Variants in TRPS1 observed in about 807,000 individuals in gnomAD.
TRPS1 encodes transcriptional repressor GATA binding 1.
A neutral mutation model predicts 101.2 loss-of-function variants in TRPS1; 6 were observed. The observed-to-expected ratio is 0.06, with a 90% confidence interval of 0.03 to 0.12. The LOEUF is 0.12. TRPS1 is among the 10% of genes least tolerant of loss of function. The probability of loss-of-function intolerance (pLI) is 1.00; values close to 1 mark genes in which losing one functional copy is unlikely to be tolerated. For missense variants in TRPS1, 1,363 were observed against 1,567.0 expected (o/e 0.87, Z 2.20); for synonymous variants, 578 against 589.8 (o/e 0.98, Z 0.29).
intron 6 of TRPS1, among the ~76,000 whole-genome samples, chr8:115,417,410 T>C (rs1468883058): frequency 6.6e-6 from 1 of 152,190 alleles, no homozygotes; most frequent in Non-Finnish European, 1.5e-5. Flanking sequence ...GTATTCCCTG[T>C]AGCCATAATG....
chr8:115,533,449 T>A (rs796569014), intron 5 of TRPS1, among the ~76,000 whole-genome samples: 5 of 123,322 alleles, frequency 4.1e-5, no homozygotes, highest in African/African-American at 1.2e-4. Context: ...TTTTTTTTTT[T>A]TTTTTTTTTT....
At chr8:115,612,608 A>G (rs1818195835) in intron 3 of TRPS1, among the ~76,000 whole-genome samples, 1 of 152,242 alleles carries the variant, frequency 6.6e-6, no homozygotes. Flanking sequence ...ATCAGCTGGA[A>G]AAACAGGTCT....
chr8:115,596,232 A>C (rs1817781779), intron 4 of TRPS1, among the ~76,000 whole-genome samples: 1 of 151,932 alleles, frequency 6.6e-6, no homozygotes, highest in Admixed American at 6.6e-5. Flanking sequence ...GTAGTTTTCC[A>C]CATTTTAGCC....
chr8:115,604,224 C>G lies in TRPS1; in HGVS notation c.1745G>C (p.Arg582Thr). Residue 582 changes from arginine (R) to threonine (T), a missense_variant, in exon 4 of 7, where the codon AGA becomes ACA. By Grantham distance (71) the Arg-to-Thr change is moderately conservative. Coordinates refer to ENST00000395715, the MANE Select transcript of TRPS1 (RefSeq NM_014112.5). This position sits in a 1 kb window ranked among gnomAD's most constrained non-coding sequence, Gnocchi z 4.1. Reference protein sequence around the residue: ...CTIKHCPFCPRGLCSPEKHLG... With the variant: ...CTIKHCPFCPTGLCSPEKHLG... ...GTGCTTTTCTGGGCTGCAAAGTCCT[C>G]TGGGACAGAATGGACAGTGTTTAAT... The G allele has an allele frequency of 1.9e-6, 3 of 1,614,038 alleles. No individual in the cohort carries two copies. The highest frequency in any genetic ancestry group is 1.7e-6 in the Non-Finnish European group (2 of 1,179,994).
chr8:115,460,339 T>C (rs902291131), intron 5 of TRPS1, among the ~76,000 whole-genome samples: 9 of 151,972 alleles, frequency 5.9e-5, no homozygotes, highest in African/African-American at 1.9e-4. Flanking sequence ...ACATTAAAAA[T>C]CTGATAGCTT....
intron 1 of TRPS1, among the ~76,000 whole-genome samples, chr8:115,647,094 A>T (rs961678033): frequency 6.6e-6 from 1 of 152,182 alleles, no homozygotes; most frequent in Non-Finnish European, 1.5e-5. Context: ...ATCCAGTCAT[A>T]TATCAACTAT....
rs1817798392 is a variant in TRPS1, at chr8:115,596,844, A to T, written c.2096+7029T>A. Among the ~76,000 whole-genome samples the T allele has an allele frequency of 2.0e-5, 3 of 151,818 alleles. No individual in the cohort carries two copies. In the South Asian group the frequency reaches 6.2e-4, roughly 31 times the overall value. Reference sequence around the variant, plus strand: ...GTATATCATAAACATATAACATGAAAATTTGTATAGTTTTATCTTTTGAAT... The same window carrying T: ...GTATATCATAAACATATAACATGAATATTTGTATAGTTTTATCTTTTGAAT... On this transcript the variant is annotated intron_variant, in intron 4 of 6. Transcript: ENST00000395715.
chr8:115,474,132 T>G (rs907486609), intron 5 of TRPS1, among the ~76,000 whole-genome samples: 10 of 152,192 alleles, frequency 6.6e-5, no homozygotes, highest in African/African-American at 2.2e-4. Context: ...CTTTTTGTAG[T>G]ATTTGTGAGT....
intron 5 of TRPS1, among the ~76,000 whole-genome samples, chr8:115,563,561 AC>A (rs1816998210): frequency 6.6e-6 from 1 of 152,116 alleles, no homozygotes; most frequent in Admixed American, 6.6e-5. Flanking sequence ...AAAAAGAGAA[AC>A]ACTATCTTAG....
At chr8:115,637,152 G>T in intron 1 of TRPS1, 1 of 689,964 alleles carries the variant, frequency 1.4e-6, no homozygotes, top group Non-Finnish European at 1.8e-6. Context: ...GCAAACAGGA[G>T]TAAGAGAAAC....
In TRPS1 at chr8:115,626,469, G is replaced by A. The variant is rs536859117; in HGVS notation, c.-121-2711C>T. Among the ~76,000 whole-genome samples, 26 of 151,758 alleles carry A rather than the reference G, an allele frequency of 1.7e-4. 1 individual carries two copies. Among genetic ancestry groups the A allele is most frequent in the African/African-American group, 4.3e-4 (18 of 41,494 alleles). On this transcript the variant is annotated intron_variant, in intron 1 of 6. Transcript: ENST00000395715. ...CAAGGCAATACTTCAATGGTAGATC[G>A]CTTTTTTTATAAACTGCTTCAAACT...
At chr8:115,491,639 G>GGAAAGAAAGAAAGGAAGAAAGAAAGAA (rs1554576983) in intron 5 of TRPS1, among the ~76,000 whole-genome samples, 1 of 151,100 alleles carries the variant, frequency 6.6e-6, no homozygotes, top group African/African-American at 2.4e-5. Flanking sequence ...AGGAAAGAAA[G>GGAAAGAAAGAAAGGAAGAAAGAAAGAA]GAAAGAAAGA....
At chr8:115,657,023 T>C (rs1414606969) in intron 1 of TRPS1, among the ~76,000 whole-genome samples, 2 of 152,300 alleles carry the variant, frequency 1.3e-5, no homozygotes, top group Middle Eastern at 3.4e-3. Flanking sequence ...AGGTGTCAGT[T>C]TGGAAATAAT....
chr8:115,541,327 A>C (rs980471034), intron 5 of TRPS1, among the ~76,000 whole-genome samples: 1 of 152,152 alleles, frequency 6.6e-6, no homozygotes, highest in African/African-American at 2.4e-5. Flanking sequence ...CCACAGTGCA[A>C]AATTTTCAAC....
intron 5 of TRPS1, among the ~76,000 whole-genome samples, chr8:115,467,280 G>T (rs1307009654): frequency 6.6e-6 from 1 of 152,032 alleles, no homozygotes; most frequent in East Asian, 1.9e-4. Context: ...AGCAGCTCTG[G>T]CCTGTGGAAG....
At chr8:115,666,494 AAGCAAATG>A (rs1480795281) in intron 1 of TRPS1, among the ~76,000 whole-genome samples, 4 of 152,102 alleles carry the variant, frequency 2.6e-5, no homozygotes, top group Non-Finnish European at 5.9e-5. Flanking sequence ...AGAGCCTTCT[AAGCAAATG>A]AGCGGCATGT....
intron 5 of TRPS1, among the ~76,000 whole-genome samples, chr8:115,559,188 T>G (rs1816892400): frequency 6.6e-6 from 1 of 152,146 alleles, no homozygotes; most frequent in African/African-American, 2.4e-5. Flanking sequence ...TGCTACCCAG[T>G]TTATTAACAT....
At chr8:115,523,635 G>T (rs1226470473) in intron 5 of TRPS1, among the ~76,000 whole-genome samples, 1 of 152,074 alleles carries the variant, frequency 6.6e-6, no homozygotes, top group Non-Finnish European at 1.5e-5. Context: ...ATTCTATTCT[G>T]AATATTTAAA....
intron 5 of TRPS1, among the ~76,000 whole-genome samples, chr8:115,567,088 C>T (rs1563609056): frequency 6.6e-6 from 1 of 152,050 alleles, no homozygotes; most frequent in Non-Finnish European, 1.5e-5. Context: ...GCAGTTTACA[C>T]CATAGAGAGG....
Sources: allele counts gnomAD v4.1 joint callset (sites outside exome capture counted in the v4.1 genomes callset), GRCh38; gene constraint gnomAD v4.1.1; non-coding constraint Gnocchi (gnomAD v3.1); transcripts MANE v1.5; gene names NCBI Gene and HGNC (gene_info 2026-07-23, HGNC 2026-07-21).